DOCK4: variants seen among roughly 807,000 people sequenced by gnomAD.
DOCK4 encodes dedicator of cytokinesis protein 4.
A neutral mutation model predicts 268.1 loss-of-function variants in DOCK4; 97 were observed. The ratio of observed to expected loss-of-function variants is 0.36; its 90% CI spans 0.31 to 0.43. The LOEUF is 0.43. DOCK4 is among the 20% of genes least tolerant of loss of function. The pLI, the probability that DOCK4 is intolerant of heterozygous loss-of-function variation, is 1.00. For synonymous variants in DOCK4, 954 were observed against 887.2 expected, an observed-to-expected ratio of 1.08 and a Z score of -1.34; for missense variants, 2,145 against 2,455.7, an observed-to-expected ratio of 0.87 and a Z score of 2.67.
rs1394279091 is a variant in DOCK4, at chr7:111,989,151, C to T, written c.328G>A (p.Asp110Asn). The part of the protein sequence containing the change: ...WKQLYVRNEG[D>N]LFHRLWHIMN... ...ATGTGCCACAGCCGGTGGAAGAGAT[C>T]GCCTTCATTACGCTAAGAAATATAC... The change falls in exon 6 of 53, where the codon GAT (aspartate) becomes AAT (asparagine). Residue 110 changes from aspartate to asparagine, a missense_variant. This residue lies in a region of DOCK4 where 1,598 missense variants were observed against 1,986.7 expected (regional missense o/e 0.80). Transcript: ENST00000428084. 5 of 1,613,822 alleles carry T rather than the reference C, an allele frequency of 3.1e-6. No homozygotes were observed. Among genetic ancestry groups the T allele is most frequent in the East Asian group, 2.2e-5 (1 of 44,884 alleles).
chr7:111,762,996 G>A lies in DOCK4; in HGVS notation c.4020+2122C>T, dbSNP rs182078846. ...TTGCCCAGGCTGGTCTTGAACTCCT[G>A]GGCTCAAGTGATCCTCTGGCCTTGG... On this transcript the variant is annotated intron_variant, in intron 39 of 52. Transcript: ENST00000428084. Among the ~76,000 whole-genome samples, 879 of 151,644 alleles carry A rather than the reference G, an allele frequency of 5.8e-3. 9 individuals are homozygous for A. The highest frequency in any genetic ancestry group is 0.021 in the African/African-American group (858 of 41,346).
intron 1 of DOCK4, among the ~76,000 whole-genome samples, chr7:112,034,063 G>A (rs781131667): frequency 5.3e-5 from 8 of 152,074 alleles, no homozygotes; most frequent in Non-Finnish European, 1.2e-4. Flanking sequence ...TACTCATATG[G>A]GAAATACAGA....
chr7:111,728,385 C>G lies in DOCK4; in HGVS notation c.5817G>C (p.Ala1939=), dbSNP rs1023846795. 3 of 1,552,174 alleles carry G rather than the reference C, an allele frequency of 1.9e-6. No individual in the cohort carries two copies. Among genetic ancestry groups the G allele is most frequent in the Non-Finnish European group, 2.6e-6 (3 of 1,148,572 alleles). Residue 1939 remains alanine (A), a synonymous_variant, in exon 53 of 53, where the codon GCG becomes GCC. Coordinates refer to ENST00000428084, the MANE Select transcript of DOCK4 (RefSeq NM_001363540.2). ...GCGCTGCCAGAGGCTTGGGGGGCAG[C>G]GCGGGCGGCTCCGACGTGACGGGGA... ...LSIPVTSEPP[A]LPPKPLAARS...
At chr7:111,754,144 T>G (rs1404801125) in intron 42 of DOCK4, among the ~76,000 whole-genome samples, 1 of 151,644 alleles carries the variant, frequency 6.6e-6, no homozygotes, top group African/African-American at 2.4e-5. Flanking sequence ...GGAAGCATAA[T>G]AAGACTTTTT....
chr7:112,164,375 A>AATATATAC (rs1479392164), intron 1 of DOCK4, among the ~76,000 whole-genome samples: 1 of 152,214 alleles, frequency 6.6e-6, no homozygotes, highest in Non-Finnish European at 1.5e-5. Context: ...GTGTTCTTTA[A>AATATATAC]ATATATACAT....
chr7:111,762,762 C>CTTTCTTTTTTTTTTTTTT (rs1797505856), intron 39 of DOCK4, among the ~76,000 whole-genome samples: 1 of 63,068 alleles, frequency 1.6e-5, no homozygotes, highest in Non-Finnish European at 3.0e-5. Flanking sequence ...GTTTTGTTTT[C>CTTTCTTTTTTTTTTTTTT]TTTTTTTTTT....
chr7:112,156,175 G>A (rs1213516758), intron 1 of DOCK4, among the ~76,000 whole-genome samples: 1 of 152,076 alleles, frequency 6.6e-6, no homozygotes, highest in African/African-American at 2.4e-5. Context: ...TCTCTATAAT[G>A]GGAATCTCAA....
Position 112,055,830 on chromosome 7 carries a change from C to T in DOCK4, c.38-51699G>A, listed in dbSNP as rs573635969. Among the ~76,000 whole-genome samples, 160 of 151,946 alleles carry T rather than the reference C, an allele frequency of 1.1e-3. 1 individual carries two copies. Among genetic ancestry groups the T allele is most frequent in the African/African-American group, 3.7e-3 (155 of 41,428 alleles). On this transcript the variant is annotated intron_variant, in intron 1 of 52. Coordinates refer to ENST00000428084, the MANE Select transcript of DOCK4 (RefSeq NM_001363540.2). ...GGCCAAGGCAGGAGAATTGCTTGAA[C>T]CTGGGAGGCAGAGGCTGCAGTGAGC... is the stretch of plus-strand genomic sequence containing the variant.
intron 16 of DOCK4, among the ~76,000 whole-genome samples, chr7:111,878,238 T>C (rs949702500): frequency 1.3e-5 from 2 of 152,214 alleles, no homozygotes; most frequent in African/African-American, 4.8e-5. Context: ...ATGCAACATA[T>C]GGTCCCAGAT....
chr7:111,834,711 A>G, intron 25 of DOCK4, 25 bp from the exon 26 acceptor site: 2 of 1,441,778 alleles, frequency 1.4e-6, no homozygotes, highest in South Asian at 1.3e-5. Context: ...AAAAAAGCAT[A>G]CATTTTATTT....
At chr7:111,853,635 A>C (rs530155076) in intron 23 of DOCK4, among the ~76,000 whole-genome samples, 6 of 152,316 alleles carry the variant, frequency 3.9e-5, no homozygotes, top group Admixed American at 2.0e-4. Flanking sequence ...AGAGGAAAGC[A>C]ACAGTGGAGG....
chr7:111,961,887 A>G (rs974739048), intron 8 of DOCK4, among the ~76,000 whole-genome samples: 1 of 152,150 alleles, frequency 6.6e-6, no homozygotes, highest in South Asian at 2.1e-4. Flanking sequence ...TTGGAAAAAA[A>G]TGTCTTTTCT....
At chr7:111,936,527 TGGAC>T (rs773296272) in intron 11 of DOCK4, among the ~76,000 whole-genome samples, 39 of 148,810 alleles carry the variant, frequency 2.6e-4, no homozygotes, top group South Asian at 2.1e-4. Context: ...GATGGATGGA[TGGAC>T]GGATGGATGG....
chr7:112,131,050 G>A (rs539013961), intron 1 of DOCK4, among the ~76,000 whole-genome samples: 4 of 152,232 alleles, frequency 2.6e-5, no homozygotes, highest in African/African-American at 4.8e-5. Flanking sequence ...GAAAACCTAC[G>A]TGACATAAAG....
chr7:112,150,303 C>T (rs1052446579), intron 1 of DOCK4, among the ~76,000 whole-genome samples: 3 of 152,106 alleles, frequency 2.0e-5, no homozygotes, highest in Non-Finnish European at 2.9e-5. Context: ...TATCAAGGTA[C>T]AAATTAGCCA....
intron 1 of DOCK4, among the ~76,000 whole-genome samples, chr7:112,156,651 T>A (rs1253028992): frequency 2.0e-5 from 3 of 152,194 alleles, no homozygotes; most frequent in Admixed American, 6.6e-5. Context: ...CCCAGCATTG[T>A]TCTAGTGCTC....
intron 42 of DOCK4, 24 bp downstream of exon 42, chr7:111,755,491 T>C (rs777359239): frequency 5.6e-6 from 9 of 1,611,732 alleles, no homozygotes; most frequent in Non-Finnish European, 5.9e-6. Context: ...GAGAAAGTGC[T>C]TGAGAACAAG....
chr7:111,767,989 G>C (rs902550736), intron 37 of DOCK4, among the ~76,000 whole-genome samples: 1 of 152,110 alleles, frequency 6.6e-6, no homozygotes, highest in Admixed American at 6.6e-5. Flanking sequence ...CAACTCTGCT[G>C]TACTCAATTC....
At chr7:112,025,240 T>C (rs1476904119) in intron 1 of DOCK4, among the ~76,000 whole-genome samples, 1 of 152,178 alleles carries the variant, frequency 6.6e-6, no homozygotes, top group Non-Finnish European at 1.5e-5. Context: ...AGCTGCCTTT[T>C]CTACCTCATT....
Sources: allele counts gnomAD v4.1 joint callset (sites outside exome capture counted in the v4.1 genomes callset), GRCh38; gene constraint gnomAD v4.1.1; regional missense constraint gnomAD v4.1.1; transcripts MANE v1.5; gene names NCBI Gene and HGNC (gene_info 2026-07-23, HGNC 2026-07-21).